FN1: variants seen among roughly 807,000 people sequenced by gnomAD.
FN1 encodes the protein fibronectin.
In FN1, 106 loss-of-function variants were observed where a neutral mutation model predicts 297.3. The observed-to-expected ratio is 0.36, with a 90% CI of 0.30 to 0.42. FN1 has a LOEUF of 0.42. Among genes scored for constraint, FN1 ranks in the 10% least tolerant of loss-of-function variants. The probability of loss-of-function intolerance (pLI) is 1.00; values close to 1 mark genes in which losing one functional copy is unlikely to be tolerated. For synonymous variants in FN1, 1,149 were observed against 1,152.6 expected (o/e 1.00, Z 0.06); for missense variants, 2,690 against 3,124.9 (o/e 0.86, Z 3.32).
At chr2:215,385,609 C>G (rs1008398754) in intron 28 of FN1, among the ~76,000 whole-genome samples, 1 of 151,366 alleles carries the variant, frequency 6.6e-6, no homozygotes, top group Non-Finnish European at 1.5e-5. Context: ...CACCTATATA[C>G]CCTTCCCTTA....
intron 23 of FN1, among the ~76,000 whole-genome samples, chr2:215,395,898 C>T (rs1012405592): frequency 6.0e-5 from 6 of 99,180 alleles, no homozygotes; most frequent in East Asian, 9.5e-4. Flanking sequence ...CTAACAAGCA[C>T]GAAGATTGTC....
At chr2:215,382,455 T>C in intron 31 of FN1, 130 bp from the exon 32 acceptor site, 1 of 686,140 alleles carries the variant, frequency 1.5e-6, no homozygotes, top group Non-Finnish European at 2.7e-6. Flanking sequence ...AACAAAAATA[T>C]GGAGAGTCAG....
chr2:215,407,352 C>T, intron 17 of FN1, 31 bp from the exon 18 acceptor site: 1 of 1,573,140 alleles, frequency 6.4e-7, no homozygotes, highest in Non-Finnish European at 8.8e-7. Flanking sequence ...GTAAGATGCA[C>T]TGTTTTCTTT....
chr2:215,423,576 T>C (rs1291675289), intron 8 of FN1, 50 bp from the exon 9 acceptor site: 10 of 1,553,658 alleles, frequency 6.4e-6, no homozygotes, highest in Non-Finnish European at 8.9e-6. Context: ...CGCTGAGCTT[T>C]CCAATGTACA....
chr2:215,382,264 A>G lies in FN1; in HGVS notation c.5112T>C (p.Tyr1704=), dbSNP rs2058323379. 1.2e-6 allele frequency: 2 copies of G among 1,614,028 alleles called. No homozygotes were observed. The highest frequency in any genetic ancestry group is 2.7e-5 in the African/African-American group (2 of 75,038). ...GACTCTCTCCGCTTGGATTCTGAGC[A>G]TAGACACTAACCACATACTCCACTG... The part of the protein sequence containing the change: ...QPTVEYVVSV[Y]AQNPSGESQP... The change falls in exon 32 of 46, where the codon TAT becomes TAC. Residue 1704 remains tyrosine (Y), a synonymous_variant. Transcript: ENST00000354785.
intron 33 of FN1, chr2:215,380,199 C>T (rs528331679): frequency 6.5e-6 from 1 of 153,130 alleles, no homozygotes; most frequent in African/African-American, 2.4e-5. Context: ...AAGCGAAAAG[C>T]AATAATACAG....
intron 7 of FN1, among the ~76,000 whole-genome samples, chr2:215,424,601 C>G (rs1177175646): frequency 1.3e-5 from 2 of 152,140 alleles, no homozygotes; most frequent in Admixed American, 6.5e-5. Flanking sequence ...TATATTTATA[C>G]AGGTCAATTA....
chr2:215,383,810 A>G (rs554106413), intron 30 of FN1, among the ~76,000 whole-genome samples: 20 of 152,200 alleles, frequency 1.3e-4, no homozygotes, highest in Non-Finnish European at 2.4e-4. Flanking sequence ...CATGCGGAAT[A>G]TATCGACAAA....
At chr2:215,373,449 G>C (rs1386552637) in intron 38 of FN1, 38 bp from the exon 39 acceptor site, 6 of 1,539,782 alleles carry the variant, frequency 3.9e-6, no homozygotes, top group South Asian at 1.1e-5. Flanking sequence ...ATGTCAATGG[G>C]CTCAGCTAGT....
intron 25 of FN1, 106 bp downstream of exon 25, chr2:215,392,825 G>T: frequency 7.9e-7 from 1 of 1,266,400 alleles, no homozygotes; most frequent in South Asian, 1.2e-5. Flanking sequence ...CTGAATCTTT[G>T]GCCAATTGCT....
chr2:215,388,766 T>C (rs1200006994), intron 26 of FN1, among the ~76,000 whole-genome samples: 1 of 152,202 alleles, frequency 6.6e-6, no homozygotes, highest in Non-Finnish European at 1.5e-5. Context: ...GGTTTTTACA[T>C]ATGTGTGACT....
Position 215,436,041 on chromosome 2 carries a change from C to G in FN1, c.-239G>C, listed in dbSNP as rs2067421730. 3 of 818,888 alleles carry G rather than the reference C, an allele frequency of 3.7e-6. No homozygotes were observed. The highest frequency in any genetic ancestry group is 4.2e-5 in the South Asian group (2 of 47,688). The allele number at this position is 818,888 out of a possible 1,614,324, so 50.7% of individuals were successfully genotyped here. On this transcript the variant is annotated 5_prime_UTR_variant, in exon 1 of 46. Coordinates refer to ENST00000354785, the MANE Select transcript of FN1 (RefSeq NM_212482.4). ...GCTCGCGCCTGGGGTTCCCTCTCCT[C>G]CCCCTGTGCAGCACAGCCGGCGCGG...
At chr2:215,422,282 T>C in intron 9 of FN1, 39 bp from the exon 10 acceptor site, 1 of 1,595,248 alleles carries the variant, frequency 6.3e-7, no homozygotes, top group Non-Finnish European at 8.6e-7. Flanking sequence ...TGATAAATGA[T>C]CACCAGGTCT....
intron 8 of FN1, among the ~76,000 whole-genome samples, 198 bp from the exon 9 acceptor site, chr2:215,423,724 C>T (rs1050401607): frequency 2.7e-5 from 4 of 150,934 alleles, no homozygotes; most frequent in African/African-American, 9.7e-5. Context: ...GGTTTAAATC[C>T]CACTTTCACT....
At chr2:215,424,496 A>C (rs1201623001) in intron 7 of FN1, among the ~76,000 whole-genome samples, 171 bp from the exon 8 acceptor site, 2 of 152,122 alleles carry the variant, frequency 1.3e-5, no homozygotes, top group African/African-American at 4.8e-5. Context: ...TCAGGAATCC[A>C]TGTCTACTGT....
intron 5 of FN1, among the ~76,000 whole-genome samples, chr2:215,430,309 T>C (rs1301977236): frequency 1.3e-5 from 2 of 152,224 alleles, no homozygotes; most frequent in Non-Finnish European, 2.9e-5. Flanking sequence ...CCAGCTTCTT[T>C]ACAGCACTAA....
At chr2:215,377,508 C>T (rs1298541964) in intron 35 of FN1, among the ~76,000 whole-genome samples, 2 of 152,096 alleles carry the variant, frequency 1.3e-5, no homozygotes, top group African/African-American at 2.4e-5. Flanking sequence ...TTGCCACAGC[C>T]ATGTGATGTG....
chr2:215,430,883 A>G (rs191011794), intron 4 of FN1, 31 bp from the exon 5 acceptor site: 2 of 1,612,622 alleles, frequency 1.2e-6, no homozygotes, highest in Non-Finnish European at 1.7e-6. Flanking sequence ...AAAACAGGAA[A>G]AAAAGGTTAT....
In FN1 at chr2:215,420,660, T is replaced by C. The variant is rs775435468; in HGVS notation, c.1675+13A>G. The C allele has an allele frequency of 4.1e-5, 66 of 1,613,906 alleles. No homozygotes were observed. In the South Asian group the frequency reaches 5.1e-4, roughly 12 times the overall value. On this transcript the variant is annotated intron_variant, in intron 11 of 45. Coordinates refer to ENST00000354785, the MANE Select transcript of FN1 (RefSeq NM_212482.4). ...CCCTGTGCAAACTCATCTAGGGAAA[T>C]AGGGCTACTCACCGACGGGATCACA...
Sources: allele counts gnomAD v4.1 joint callset (sites outside exome capture counted in the v4.1 genomes callset), GRCh38; gene constraint gnomAD v4.1.1; transcripts MANE v1.5; gene names NCBI Gene and HGNC (gene_info 2026-07-23, HGNC 2026-07-21).